Variants in GASK1A observed in about 807,000 individuals in gnomAD.
The protein encoded by GASK1A is golgi associated kinase 1A, also known as Golgi-associated kinase 1A.
A neutral mutation model predicts 41.2 loss-of-function variants in GASK1A; 40 were observed. The ratio of observed to expected loss-of-function variants is 0.97; its 90% CI spans 0.75 to 1.27. GASK1A has a LOEUF of 1.27. GASK1A is among the 50% of genes most tolerant of loss of function. GASK1A has a pLI of 0.00. For missense variants in GASK1A, 678 were observed against 745.1 expected (o/e 0.91, Z 1.05); for synonymous variants, 316 against 307.1 (o/e 1.03, Z -0.30).
chr3:43,016,163 C>T (rs534360441), intron 1 of GASK1A, among the ~76,000 whole-genome samples: 3 of 136,176 alleles, frequency 2.2e-5, no homozygotes, highest in Non-Finnish European at 3.2e-5. Context: ...GGCTGTGTGA[C>T]GTTACAGGAA....
chr3:43,037,006 G>A, intron 2 of GASK1A: 1 of 419,028 alleles, frequency 2.4e-6, no homozygotes, highest in South Asian at 4.9e-5. Context: ...TTATTACACA[G>A]CAATAGAAGA....
At chr3:43,008,329 G>T (rs1394535848) in intron 1 of GASK1A, among the ~76,000 whole-genome samples, 4 of 152,150 alleles carry the variant, frequency 2.6e-5, no homozygotes, top group Admixed American at 2.6e-4. Flanking sequence ...CTCGAGGGAG[G>T]ACCTCCACGC....
chr3:42,984,109 G>A lies in GASK1A; in HGVS notation c.3+4464G>A, dbSNP rs2089294869. 6.6e-6 allele frequency among the ~76,000 whole-genome samples: 1 copy of A among 151,968 alleles called. No homozygotes were observed. The highest frequency in any genetic ancestry group is 1.5e-5 in the Non-Finnish European group (1 of 68,002). On this transcript the variant is annotated intron_variant, in intron 1 of 4. Coordinates refer to ENST00000430121, the MANE Select transcript of GASK1A (RefSeq NM_001129908.3). The surrounding 1 kb of genome is among the most constrained non-coding windows in gnomAD (Gnocchi z 4.2). ...AGTCACCTGGGGCTGTCTTTGCTTG[G>A]ATCATCTTGTGATGTGACTGCTAAA... is the stretch of plus-strand genomic sequence containing the variant.
intron 2 of GASK1A, among the ~76,000 whole-genome samples, chr3:43,035,146 AC>A (rs1450392031): frequency 1.3e-5 from 2 of 152,106 alleles, no homozygotes; most frequent in Non-Finnish European, 2.9e-5. Flanking sequence ...TGGGCAGATT[AC>A]CTAGCCTCTC....
chr3:43,040,604 T>C (rs2125689203), intron 2 of GASK1A, among the ~76,000 whole-genome samples: 1 of 152,342 alleles, frequency 6.6e-6, no homozygotes, highest in African/African-American at 2.4e-5. Flanking sequence ...TCTCCATCTG[T>C]TCACGTTCCT....
Position 42,979,360 on chromosome 3 carries a change from C to T in GASK1A, c.-283C>T. ...CGAGTAGACCGCAGAGGCTCGCGGC[C>T]GCGGGTAGGCTCCCTCAGATCCCCG... is the stretch of plus-strand genomic sequence containing the variant. On this transcript the variant is annotated 5_prime_UTR_variant, in exon 1 of 5. Coordinates refer to ENST00000430121, the MANE Select transcript of GASK1A (RefSeq NM_001129908.3). The T allele has an allele frequency of 2.6e-6, 1 of 380,984 alleles. No individual in the cohort carries two copies. 23.6% of individuals were successfully genotyped at this position (380,984 alleles called of 1,614,324 possible).
chr3:42,980,263 C>G lies in GASK1A; in HGVS notation c.3+618C>G, dbSNP rs112922071. ...GAAACCAGGATCTTGTGGACGTGGCCCTTCCATTGATCAACTTCACAGACA... is the reference window on the plus strand; with the variant it reads ...GAAACCAGGATCTTGTGGACGTGGCGCTTCCATTGATCAACTTCACAGACA... On this transcript the variant is annotated intron_variant, in intron 1 of 4. Transcript: ENST00000430121. Among the ~76,000 whole-genome samples, 994 of 152,224 alleles carry G rather than the reference C, an allele frequency of 6.5e-3. 10 individuals carry two copies. Among genetic ancestry groups the G allele is most frequent in the Middle Eastern group, 0.02 (6 of 294 alleles).
Position 43,032,338 on chromosome 3 carries a change from A to G in GASK1A, c.75A>G (p.Leu25=). 1 of 1,551,198 alleles carries G rather than the reference A, an allele frequency of 6.4e-7. No individual in the cohort carries two copies. The highest frequency in any genetic ancestry group is 8.7e-7 in the Non-Finnish European group (1 of 1,146,698). ...TAGCGTTCTGCCTCTTGATGATCCT[A>G]TCTGCGATGGCTGTCACCCGCTTTC... ...PVIAFCLLMI[L]SAMAVTRFPP... is the part of the protein sequence containing the mutation. Residue 25 remains leucine (L), a synonymous_variant, in exon 2 of 5, where the codon CTA becomes CTG. Coordinates refer to ENST00000430121, the MANE Select transcript of GASK1A (RefSeq NM_001129908.3).
At chr3:43,006,449 T>C (rs929592738) in intron 1 of GASK1A, among the ~76,000 whole-genome samples, 4 of 152,226 alleles carry the variant, frequency 2.6e-5, no homozygotes, top group Non-Finnish European at 5.9e-5. Context: ...TCATATTTGA[T>C]TGATAGTTTG....
intron 2 of GASK1A, among the ~76,000 whole-genome samples, chr3:43,040,888 C>A (rs1165834311): frequency 7.1e-6 from 1 of 141,722 alleles, no homozygotes; most frequent in South Asian, 2.4e-4. Context: ...CCCCCCGCCA[C>A]AACAGTCCGC....
intron 1 of GASK1A, among the ~76,000 whole-genome samples, chr3:43,019,770 A>G (rs946492163): frequency 6.6e-6 from 1 of 150,418 alleles, no homozygotes; most frequent in African/African-American, 2.5e-5. Context: ...ACACACACAC[A>G]CACACACACA....
In GASK1A at chr3:43,033,207, G is replaced by A. The variant is rs139009368; in HGVS notation, c.944G>A (p.Gly315Glu). 5 of 1,551,606 alleles carry A rather than the reference G, an allele frequency of 3.2e-6. No individual in the cohort carries two copies. In the African/African-American group the frequency reaches 6.8e-5, roughly 21 times the overall value. Residue 315 changes from glycine (G) to glutamate (E), a missense_variant, in exon 2 of 5, where the codon GGG (glycine) becomes GAG (glutamate). By Grantham distance (98) the Gly-to-Glu change is moderately conservative. Transcript: ENST00000430121. ...SPRLSQLCSQ[G>E]LCGLIKRPGD... ...AGGCTCAGCCAACTCTGTTCCCAAG[G>A]GCTCTGTGGCCTGATCAAGAGGCCT... is the stretch of plus-strand genomic sequence containing the variant.
chr3:43,039,646 G>A (rs1180524751), intron 2 of GASK1A, among the ~76,000 whole-genome samples: 2 of 152,142 alleles, frequency 1.3e-5, no homozygotes, highest in African/African-American at 2.4e-5. Flanking sequence ...GACTCGATAG[G>A]TAGTTTTTCG....
chr3:43,048,508 A>T (rs1559407895), intron 2 of GASK1A, among the ~76,000 whole-genome samples: 1 of 152,192 alleles, frequency 6.6e-6, no homozygotes, highest in Non-Finnish European at 1.5e-5. Context: ...GAAGCAGGGA[A>T]GGAAGAAAAG....
intron 1 of GASK1A, among the ~76,000 whole-genome samples, chr3:42,995,861 C>A (rs780254701): frequency 5.3e-5 from 8 of 152,206 alleles, no homozygotes; most frequent in Admixed American, 2.6e-4. Flanking sequence ...ATCCCCACCC[C>A]CTCTTGATCC....
chr3:43,014,687 G>A (rs1458091902), intron 1 of GASK1A, among the ~76,000 whole-genome samples: 1 of 152,044 alleles, frequency 6.6e-6, no homozygotes, highest in Non-Finnish European at 1.5e-5. Context: ...GTCACAGGAA[G>A]AGACAGTATG....
chr3:42,991,950 A>G (rs1053364331), intron 1 of GASK1A, among the ~76,000 whole-genome samples: 1 of 152,072 alleles, frequency 6.6e-6, no homozygotes, highest in African/African-American at 2.4e-5. Flanking sequence ...CAGGCTCTGG[A>G]CCTAGTTGGC....
chr3:43,047,853 C>T (rs1256123721), intron 2 of GASK1A, among the ~76,000 whole-genome samples: 1 of 152,184 alleles, frequency 6.6e-6, no homozygotes, highest in Non-Finnish European at 1.5e-5. Flanking sequence ...CTCAAGACTT[C>T]CTTCTGTAGA....
intron 2 of GASK1A, among the ~76,000 whole-genome samples, chr3:43,038,363 T>C (rs1357652613): frequency 1.3e-5 from 2 of 152,232 alleles, no homozygotes; most frequent in Non-Finnish European, 2.9e-5. Context: ...TCAGTAATAG[T>C]CCTAGAAAAG....
Sources: gnomAD v4.1 joint callset for allele counts (sites outside exome capture counted in the v4.1 genomes callset) on GRCh38, gnomAD v4.1.1 for gene constraint, Gnocchi (gnomAD v3.1) non-coding constraint, MANE v1.5 for transcripts, NCBI Gene and HGNC (gene_info 2026-07-23, HGNC 2026-07-21) for gene names.